Variants in SDC1 observed in about 807,000 individuals in gnomAD.
SDC1 encodes the protein syndecan-1.
A neutral mutation model predicts 29.7 loss-of-function variants in SDC1; 14 were observed. The ratio of observed to expected loss-of-function variants is 0.47; its 90% CI spans 0.31 to 0.74. SDC1 has a LOEUF of 0.74. SDC1 is among the 30% of genes least tolerant of loss of function. The pLI, the probability that SDC1 is intolerant of heterozygous loss-of-function variation, is 0.05. For synonymous variants in SDC1, 204 were observed against 175.5 expected (o/e 1.16, Z -1.29); for missense variants, 406 against 400.3 (o/e 1.01, Z -0.12).
At chr2:20,213,292 G>T (rs778843030) in intron 1 of SDC1, among the ~76,000 whole-genome samples, 8 of 152,192 alleles carry the variant, frequency 5.3e-5, no homozygotes, top group Non-Finnish European at 1.0e-4. Flanking sequence ...GGCAAAACCC[G>T]GGCCAGGCCA....
intron 1 of SDC1, chr2:20,223,380 A>G (rs980658203): frequency 9.9e-7 from 1 of 1,012,880 alleles, no homozygotes; most frequent in Non-Finnish European, 1.4e-6. Flanking sequence ...CAGATGCCAC[A>G]TTAGCAGTGG....
At position 20,202,749 on chromosome 2, in the gene SDC1, G is replaced by A. The variant is rs1444266805; in HGVS notation, c.*17C>T. The A allele has an allele frequency of 1.3e-5, 20 of 1,580,922 alleles. No homozygotes were observed. Among genetic ancestry groups the A allele is most frequent in the Non-Finnish European group, 1.7e-5 (20 of 1,161,824 alleles). ...GCCTAGTGAGTGGCAGGGCGGAGGGGGCGCATGGCTCCCGCGTCAGGCATA... is the reference window on the plus strand; with the variant it reads ...GCCTAGTGAGTGGCAGGGCGGAGGGAGCGCATGGCTCCCGCGTCAGGCATA... On this transcript the variant is annotated 3_prime_UTR_variant, in exon 5 of 5. Coordinates refer to ENST00000254351, the MANE Select transcript of SDC1 (RefSeq NM_002997.5).
chr2:20,209,169 A>T (rs1220951050), intron 1 of SDC1, among the ~76,000 whole-genome samples: 3 of 152,118 alleles, frequency 2.0e-5, no homozygotes, highest in Non-Finnish European at 4.4e-5. Context: ...CAAGAAAGAG[A>T]GTGTGAAGGA....
chr2:20,219,433 G>T (rs1677741963), intron 1 of SDC1, among the ~76,000 whole-genome samples: 1 of 152,222 alleles, frequency 6.6e-6, no homozygotes, highest in African/African-American at 2.4e-5. Flanking sequence ...CCTGCAGCTG[G>T]ATAAGACAGT....
chr2:20,208,118 T>C, intron 1 of SDC1: 2 of 985,424 alleles, frequency 2.0e-6, no homozygotes, highest in Non-Finnish European at 1.2e-6. Context: ...CCATGCTCCA[T>C]TCAACAATGA....
Position 20,207,434 on chromosome 2 carries a change from TTGACTGGTGCAG to T in SDC1, c.67-2022_67-2011del, listed in dbSNP as rs1677313534. 3 of 982,028 alleles carry T rather than the reference TTGACTGGTGCAG, an allele frequency of 3.1e-6. No homozygotes were observed. In the Admixed American group the frequency reaches 1.8e-4, roughly 60 times the overall value. 60.8% of individuals were successfully genotyped at this position (982,028 alleles called of 1,614,324 possible). A position where few individuals can be genotyped will look rare whatever the true frequency, so the allele number is the denominator to read the frequency against. On this transcript the variant is annotated intron_variant, in intron 1 of 4. Transcript: ENST00000254351. ...CCATCTACAATAAACAGTCATTGAC[TTGACTGGTGCAG>T]TGGCTCACGCCTGTAATCCCAGCAC...
chr2:20,219,573 C>T (rs540702135), intron 1 of SDC1, among the ~76,000 whole-genome samples: 1 of 152,342 alleles, frequency 6.6e-6, no homozygotes, highest in South Asian at 2.1e-4. Context: ...TCAGGGCACG[C>T]ATGTCCCATT....
intron 1 of SDC1, among the ~76,000 whole-genome samples, chr2:20,213,751 C>G (rs1160822888): frequency 6.6e-6 from 1 of 152,216 alleles, no homozygotes; most frequent in Admixed American, 6.5e-5. Context: ...ACCTGGGGAC[C>G]GGGGCACCTC....
At chr2:20,205,321 G>A (rs746950840) in intron 2 of SDC1, 22 bp downstream of exon 2, 5 of 1,606,638 alleles carry the variant, frequency 3.1e-6, no homozygotes, top group Non-Finnish European at 4.3e-6. Context: ...TTGGGTGGGG[G>A]GGGCCCCCAT....
intron 1 of SDC1, among the ~76,000 whole-genome samples, chr2:20,210,765 G>C (rs914347917): frequency 3.9e-5 from 6 of 152,120 alleles, no homozygotes; most frequent in Non-Finnish European, 8.8e-5. Flanking sequence ...CTGGCTCTGG[G>C]GCCAGTGGAC....
intron 1 of SDC1, among the ~76,000 whole-genome samples, chr2:20,211,952 CT>C (rs1677479975): frequency 6.6e-6 from 1 of 152,362 alleles, no homozygotes; most frequent in Admixed American, 6.5e-5. Flanking sequence ...GAGCAAGGGT[CT>C]CTGGGAAAGG....
At chr2:20,206,279 C>T (rs534104296) in intron 1 of SDC1, among the ~76,000 whole-genome samples, 6 of 152,338 alleles carry the variant, frequency 3.9e-5, no homozygotes, top group South Asian at 2.1e-4. Context: ...GAATGCTGCC[C>T]GCCTGCCCAG....
chr2:20,207,882 T>C lies in SDC1; in HGVS notation c.67-2458A>G, dbSNP rs542019443. The C allele has an allele frequency of 3.4e-5, 31 of 920,804 alleles. No homozygotes were observed. In the South Asian group the frequency reaches 1.3e-3, roughly 40 times the overall value. 57.0% of individuals were successfully genotyped at this position (920,804 alleles called of 1,614,324 possible). On this transcript the variant is annotated intron_variant, in intron 1 of 4. Coordinates refer to ENST00000254351, the MANE Select transcript of SDC1 (RefSeq NM_002997.5). ...TGTCTCCTTCATCATCAAAGAATACTGCCCACCGGGGGATCACAGAGTGGG... is the reference window on the plus strand; with the variant it reads ...TGTCTCCTTCATCATCAAAGAATACCGCCCACCGGGGGATCACAGAGTGGG...
chr2:20,217,149 C>T lies in SDC1; in HGVS notation c.66+7653G>A, dbSNP rs1445483874. Among the ~76,000 whole-genome samples, 8 of 152,308 alleles carry T rather than the reference C, an allele frequency of 5.3e-5. No individual in the cohort carries two copies. In the South Asian group the frequency reaches 1.4e-3, roughly 28 times the overall value. ...TGCCTTACAGCCCAGGCTCCTAGTT[C>T]GATACTGCTGTATCGTGGGACTCTG... On this transcript the variant is annotated intron_variant, in intron 1 of 4. Transcript: ENST00000254351.
intron 3 of SDC1, 134 bp downstream of exon 3, chr2:20,203,679 G>A (rs1378126940): frequency 5.6e-6 from 4 of 712,464 alleles, no homozygotes; most frequent in Non-Finnish European, 9.5e-6. Flanking sequence ...GGGGGTAGGG[G>A]AAGGCGGGCC....
intron 2 of SDC1, 67 bp from the exon 3 acceptor site, chr2:20,204,358 T>TGGGGAGGGGGG (rs1677176340): frequency 1.8e-6 from 1 of 554,348 alleles, no homozygotes; most frequent in Non-Finnish European, 2.9e-6. Flanking sequence ...CAGAGTGTGT[T>TGGGGAGGGGGG]GGGTGGGTCG....
chr2:20,219,869 G>C (rs1388562974), intron 1 of SDC1, among the ~76,000 whole-genome samples: 1 of 152,236 alleles, frequency 6.6e-6, no homozygotes, highest in East Asian at 1.9e-4. Flanking sequence ...ACCAGGAGGT[G>C]ACTGTGGCAC....
chr2:20,224,794 G>A lies in SDC1; in HGVS notation c.66+8C>T, dbSNP rs1200131810. ...CCGCCTCCCCGCCTGGCCGCCGGCC[G>A]CACTCACCGGCAGGGCCGGCTGCAG... On this transcript the variant is annotated splice_region_variant and intron_variant, in intron 1 of 4. Coordinates refer to ENST00000254351, the MANE Select transcript of SDC1 (RefSeq NM_002997.5). This position sits in a 1 kb window ranked among gnomAD's most constrained non-coding sequence, Gnocchi z 4.9. The A allele has an allele frequency of 8.4e-6, 11 of 1,304,854 alleles. No homozygotes were observed. Among genetic ancestry groups the A allele is most frequent in the East Asian group, 3.2e-5 (1 of 31,002 alleles). 80.8% of individuals were successfully genotyped at this position (1,304,854 alleles called of 1,614,324 possible).
chr2:20,223,416 C>T (rs909918964), intron 1 of SDC1: 7 of 549,230 alleles, frequency 1.3e-5, no homozygotes, highest in Admixed American at 7.9e-5. Context: ...ACCCCGCCCC[C>T]GCCCCTTCCC....
Sources: allele counts gnomAD v4.1 joint callset (sites outside exome capture counted in the v4.1 genomes callset), GRCh38; gene constraint gnomAD v4.1.1; non-coding constraint Gnocchi (gnomAD v3.1); transcripts MANE v1.5; gene names NCBI Gene and HGNC (gene_info 2026-07-23, HGNC 2026-07-21).